The following PDE4D variants were observed in gnomAD, a reference collection of about 807,000 sequenced individuals.
PDE4D encodes the protein phosphodiesterase 4D, also known as 3',5'-cyclic-AMP phosphodiesterase 4D.
In PDE4D, 24 loss-of-function variants were observed where a neutral mutation model predicts 87.4. The ratio of observed to expected loss-of-function variants is 0.27; its 90% CI spans 0.20 to 0.39. The LOEUF is 0.39. Among genes scored for constraint, PDE4D ranks in the 10% least tolerant of loss-of-function variants. PDE4D has a pLI of 1.00. For missense variants in PDE4D, 714 were observed against 1,041.0 expected (o/e 0.69, Z 4.32); for synonymous variants, 384 against 383.2 (o/e 1.00, Z -0.02).
At chr5:59,651,312 A>T (rs1743467063) in intron 1 of PDE4D, among the ~76,000 whole-genome samples, 1 of 148,904 alleles carries the variant, frequency 6.7e-6, no homozygotes, top group South Asian at 2.1e-4. Context: ...ATAATTGCTA[A>T]ATGAGAGCAA....
intron 1 of PDE4D, among the ~76,000 whole-genome samples, chr5:59,369,941 T>TA (rs1783692811): frequency 6.6e-6 from 1 of 152,160 alleles, no homozygotes. Context: ...GCTCAATAAA[T>TA]AAAAACACAC....
intron 1 of PDE4D, among the ~76,000 whole-genome samples, chr5:60,195,270 T>C (rs1741078423): frequency 6.6e-6 from 1 of 151,642 alleles, no homozygotes. Flanking sequence ...CCACAGTATA[T>C]TTGTCAAATT....
intron 1 of PDE4D, among the ~76,000 whole-genome samples, chr5:59,550,437 T>C (rs1817922833): frequency 6.6e-6 from 1 of 152,236 alleles, no homozygotes; most frequent in African/African-American, 2.4e-5. Context: ...AATTCTCTTC[T>C]AGAAAGCTAC....
intron 1 of PDE4D, among the ~76,000 whole-genome samples, chr5:60,202,521 T>C (rs1192089223): frequency 6.6e-6 from 1 of 152,012 alleles, no homozygotes; most frequent in Non-Finnish European, 1.5e-5. Context: ...AATTTTAATA[T>C]ACAATACAAC....
At chr5:59,044,830 T>G (rs538444551) in intron 5 of PDE4D, among the ~76,000 whole-genome samples, 2 of 152,372 alleles carry the variant, frequency 1.3e-5, no homozygotes, top group African/African-American at 4.8e-5. Flanking sequence ...TGTGACGGTT[T>G]TCTTTTTCTT....
chr5:59,375,729 T>G (rs1044301183), intron 1 of PDE4D, among the ~76,000 whole-genome samples: 2 of 151,886 alleles, frequency 1.3e-5, no homozygotes, highest in African/African-American at 4.8e-5. Context: ...GGTAGAAATA[T>G]AACAAAAATT....
intron 1 of PDE4D, among the ~76,000 whole-genome samples, chr5:59,620,360 A>G (rs966105163): frequency 2.6e-5 from 4 of 152,180 alleles, no homozygotes; most frequent in African/African-American, 9.6e-5. Flanking sequence ...TATGAGGAGA[A>G]CAATGAAGGG....
At chr5:59,724,707 C>A (rs767499249) in intron 1 of PDE4D, among the ~76,000 whole-genome samples, 5 of 151,998 alleles carry the variant, frequency 3.3e-5, no homozygotes, top group Admixed American at 2.0e-4. Context: ...CAGGTGGTGA[C>A]ATAATGAAAT....
At chr5:59,344,486 T>C (rs1295962045) in intron 1 of PDE4D, among the ~76,000 whole-genome samples, 1 of 152,086 alleles carries the variant, frequency 6.6e-6, no homozygotes, top group Non-Finnish European at 1.5e-5. Flanking sequence ...ACTGCAGCCT[T>C]GACCTCCCAG....
intron 1 of PDE4D, among the ~76,000 whole-genome samples, chr5:59,476,907 G>A (rs1296964671): frequency 3.3e-5 from 5 of 151,848 alleles, no homozygotes; most frequent in South Asian, 2.1e-4. Flanking sequence ...ATTACAGCAC[G>A]TAACAATAAA....
intron 1 of PDE4D, among the ~76,000 whole-genome samples, chr5:59,392,783 T>C (rs1788509033): frequency 6.6e-6 from 1 of 152,128 alleles, no homozygotes; most frequent in Non-Finnish European, 1.5e-5. Flanking sequence ...GATATGTGAG[T>C]TGTGACCTGC....
intron 3 of PDE4D, among the ~76,000 whole-genome samples, chr5:59,942,838 T>G (rs549050322): frequency 8.6e-6 from 1 of 116,634 alleles, no homozygotes; most frequent in Admixed American, 1.1e-4. Context: ...GTCATTAGAA[T>G]AGTGGTTCCT....
At chr5:60,215,192 T>A (rs1458341387) in intron 1 of PDE4D, among the ~76,000 whole-genome samples, 4 of 152,086 alleles carry the variant, frequency 2.6e-5, no homozygotes, top group Non-Finnish European at 2.9e-5. Flanking sequence ...ACCTTTTTAA[T>A]CCCAATTGGA....
intron 5 of PDE4D, among the ~76,000 whole-genome samples, chr5:59,112,831 G>T (rs113233385): frequency 3.8e-5 from 5 of 129,924 alleles, no homozygotes; most frequent in African/African-American, 1.2e-4. Context: ...ACAGAGTTTC[G>T]CTCTTGTTGC....
intron 1 of PDE4D, among the ~76,000 whole-genome samples, chr5:60,520,599 C>T (rs1561330096): frequency 6.6e-6 from 1 of 152,174 alleles, no homozygotes; most frequent in African/African-American, 2.4e-5. Flanking sequence ...TGGCCCATGG[C>T]TTGTGGCCCC....
At chr5:59,228,995 C>T (rs575444942) in intron 1 of PDE4D, among the ~76,000 whole-genome samples, 2 of 151,760 alleles carry the variant, frequency 1.3e-5, no homozygotes, top group Non-Finnish European at 2.9e-5. Flanking sequence ...AACCTCCTAA[C>T]CTTTTTTTTT....
chr5:59,864,873 C>T (rs1746790530), intron 1 of PDE4D, among the ~76,000 whole-genome samples: 1 of 152,118 alleles, frequency 6.6e-6, no homozygotes, highest in African/African-American at 2.4e-5. Context: ...GTCACTCCAC[C>T]AGGTTCCCCA....
intron 2 of PDE4D, among the ~76,000 whole-genome samples, chr5:60,063,855 A>T (rs1231476964): frequency 6.6e-6 from 1 of 152,098 alleles, no homozygotes; most frequent in Non-Finnish European, 1.5e-5. Context: ...TACAGAAGAT[A>T]CTGCCTTTGA....
chr5:58,999,069 G>A (rs1275758104), intron 6 of PDE4D, among the ~76,000 whole-genome samples: 4 of 152,046 alleles, frequency 2.6e-5, no homozygotes, highest in African/African-American at 7.2e-5. Flanking sequence ...TGAAAAAAAC[G>A]TATTCCTCGT....
Sources: allele counts gnomAD v4.1 joint callset (sites outside exome capture counted in the v4.1 genomes callset), GRCh38; gene constraint gnomAD v4.1.1; transcripts MANE v1.5; gene names NCBI Gene and HGNC (gene_info 2026-07-23, HGNC 2026-07-21).